ULK4: variants seen among roughly 807,000 people sequenced by gnomAD.
ULK4 encodes the protein unc-51 like kinase 4.
Under a neutral mutation model 160.6 loss-of-function variants are expected in ULK4, and 133 were observed. The observed-to-expected ratio is 0.83, with a 90% confidence interval of 0.72 to 0.96. The LOEUF (loss-of-function observed/expected upper bound fraction) is 0.96. ULK4 is among the 40% of genes least tolerant of loss of function. The pLI, the probability that ULK4 is intolerant of heterozygous loss-of-function variation, is 0.00. For missense variants in ULK4, 1,580 were observed against 1,499.5 expected (o/e 1.05, Z -0.89); for synonymous variants, 534 against 539.8 (o/e 0.99, Z 0.15).
At chr3:41,515,920 ACTGT>A (rs1414864725) in intron 32 of ULK4, among the ~76,000 whole-genome samples, 1 of 152,206 alleles carries the variant, frequency 6.6e-6, no homozygotes, top group Non-Finnish European at 1.5e-5. Flanking sequence ...ATTGATGAAC[ACTGT>A]CTGAGAAGGG....
intron 35 of ULK4, among the ~76,000 whole-genome samples, chr3:41,316,808 C>A (rs560191496): frequency 2.6e-5 from 4 of 152,172 alleles, no homozygotes; most frequent in Non-Finnish European, 5.9e-5. Flanking sequence ...ATGAAGGCAG[C>A]GCCTTTTTTA....
intron 17 of ULK4, among the ~76,000 whole-genome samples, chr3:41,858,078 A>T (rs1191631258): frequency 2.0e-5 from 3 of 149,488 alleles, no homozygotes; most frequent in African/African-American, 7.4e-5. Flanking sequence ...TTTTTGACGT[A>T]GGCACTTATA....
chr3:41,522,892 G>A (rs1050029529), intron 32 of ULK4, among the ~76,000 whole-genome samples: 6 of 152,022 alleles, frequency 3.9e-5, no homozygotes, highest in Admixed American at 2.6e-4. Flanking sequence ...ACAGTCAACA[G>A]ATCAAGGTAT....
intron 18 of ULK4, among the ~76,000 whole-genome samples, chr3:41,823,639 A>C (rs112787606): frequency 2.0e-5 from 3 of 152,184 alleles, no homozygotes; most frequent in Non-Finnish European, 4.4e-5. Context: ...TGTATACTAT[A>C]TATAATCACT....
In ULK4 at chr3:41,577,230, T is replaced by C. The variant is rs753477963; in HGVS notation, c.3121-11100A>G. Among the ~76,000 whole-genome samples, 3 of 152,328 alleles carry C rather than the reference T, an allele frequency of 2.0e-5. No individual in the cohort carries two copies. The South Asian group carries it at 6.2e-4, about 32-fold the overall frequency. On this transcript the variant is annotated intron_variant, in intron 31 of 36. Coordinates refer to ENST00000301831, the MANE Select transcript of ULK4 (RefSeq NM_017886.4). ...CCGGGCCAAGCCCAGTTCTAAGCCT[T>C]GGCCTGCCCCAAACCAGCTGGAAAG...
chr3:41,575,254 C>T (rs575270679), intron 31 of ULK4, among the ~76,000 whole-genome samples: 1 of 152,140 alleles, frequency 6.6e-6, no homozygotes, highest in Admixed American at 6.5e-5. Context: ...GAAGAAAGAC[C>T]AGGATTTAGG....
At chr3:41,765,690 T>G (rs2039139100) in intron 21 of ULK4, among the ~76,000 whole-genome samples, 1 of 152,158 alleles carries the variant, frequency 6.6e-6, no homozygotes, top group Non-Finnish European at 1.5e-5. Context: ...TTTCTTATAC[T>G]AGAAAGACTC....
chr3:41,930,298 G>A (rs892212219), intron 5 of ULK4, among the ~76,000 whole-genome samples: 4 of 152,060 alleles, frequency 2.6e-5, no homozygotes, highest in African/African-American at 9.7e-5. Context: ...GCAGAAAAAT[G>A]AAACTGGACC....
At chr3:41,752,970 T>C (rs2038680961) in intron 22 of ULK4, among the ~76,000 whole-genome samples, 2 of 152,204 alleles carry the variant, frequency 1.3e-5, no homozygotes, top group Admixed American at 6.5e-5. Flanking sequence ...CCTAGCACTT[T>C]GGGAAGCTGA....
chr3:41,531,165 G>A (rs549700826), intron 32 of ULK4, among the ~76,000 whole-genome samples: 10 of 150,656 alleles, frequency 6.6e-5, no homozygotes, highest in Non-Finnish European at 1.3e-4. Context: ...GTTTTGGGCC[G>A]GGCGCGGTGG....
At chr3:41,658,496 A>G (rs1033410207) in intron 30 of ULK4, among the ~76,000 whole-genome samples, 3 of 152,202 alleles carry the variant, frequency 2.0e-5, no homozygotes, top group Non-Finnish European at 2.9e-5. Context: ...TCAATGTCCT[A>G]TTTCATTAAC....
chr3:41,553,362 G>T (rs2087152113), intron 32 of ULK4, among the ~76,000 whole-genome samples: 1 of 151,774 alleles, frequency 6.6e-6, no homozygotes, highest in South Asian at 2.1e-4. Context: ...CATCTGACAA[G>T]GAACTAATAT....
intron 27 of ULK4, among the ~76,000 whole-genome samples, chr3:41,696,378 T>C (rs1252921260): frequency 8.5e-5 from 13 of 152,146 alleles, no homozygotes; most frequent in Admixed American, 8.5e-4. Flanking sequence ...TCTCCCTCTC[T>C]CTCTCTGCCT....
At chr3:41,560,263 T>C (rs1297074576) in intron 32 of ULK4, among the ~76,000 whole-genome samples, 2 of 152,238 alleles carry the variant, frequency 1.3e-5, no homozygotes, top group Admixed American at 6.5e-5. Flanking sequence ...TTGGTTACTG[T>C]AGCCTTGTAG....
chr3:41,705,306 C>T lies in ULK4; in HGVS notation c.2635-1G>A. The T allele has an allele frequency of 3.7e-6, 6 of 1,604,020 alleles. No homozygotes were observed. The highest frequency in any genetic ancestry group is 5.1e-6 in the Non-Finnish European group (6 of 1,175,850). On this transcript the variant is annotated splice_acceptor_variant, in intron 25 of 36. Coordinates refer to ENST00000301831, the MANE Select transcript of ULK4 (RefSeq NM_017886.4). LOFTEE classifies it high-confidence loss of function. ...CTGAGTCTACAGATTTAATATGACTCTGAAAAAAAATAAATTTTTAATAAA... is the reference window on the plus strand; with the variant it reads ...CTGAGTCTACAGATTTAATATGACTTTGAAAAAAAATAAATTTTTAATAAA...
chr3:41,473,229 A>G (rs2084039470), intron 32 of ULK4, among the ~76,000 whole-genome samples: 1 of 152,234 alleles, frequency 6.6e-6, no homozygotes. Flanking sequence ...CAGTATTAGA[A>G]GACTTTACCA....
At chr3:41,768,203 G>A (rs1194199069) in intron 21 of ULK4, among the ~76,000 whole-genome samples, 1 of 152,130 alleles carries the variant, frequency 6.6e-6, no homozygotes, top group Admixed American at 6.5e-5. Flanking sequence ...GGAAAAAATT[G>A]CCTTTCACGA....
chr3:41,335,731 G>A (rs1285332026), intron 35 of ULK4, among the ~76,000 whole-genome samples: 1 of 107,462 alleles, frequency 9.3e-6, no homozygotes, highest in Non-Finnish European at 1.8e-5. Flanking sequence ...AGCAGCATGA[G>A]GGCAAAAAAA....
intron 25 of ULK4, among the ~76,000 whole-genome samples, chr3:41,709,820 A>T (rs1205362826): frequency 6.6e-6 from 1 of 152,214 alleles, no homozygotes; most frequent in Non-Finnish European, 1.5e-5. Context: ...ACTCAGAGAG[A>T]GAGATCTTTT....
Sources: allele counts gnomAD v4.1 joint callset (sites outside exome capture counted in the v4.1 genomes callset), GRCh38; gene constraint gnomAD v4.1.1; transcripts MANE v1.5; gene names NCBI Gene and HGNC (gene_info 2026-07-23, HGNC 2026-07-21).